Variants in ADAM22 observed in about 807,000 individuals in gnomAD.
The protein encoded by ADAM22 is ADAM metallopeptidase domain 22.
ADAM22 carries 65 observed loss-of-function variants against 144.6 expected under a neutral mutation model. The observed-to-expected ratio is 0.45, with a 90% CI of 0.37 to 0.55. The LOEUF is 0.55. ADAM22 is among the 20% of genes least tolerant of loss of function. The pLI is 0.00. For synonymous variants in ADAM22, 391 were observed against 412.6 expected, an observed-to-expected ratio of 0.95 and a Z score of 0.63; for missense variants, 974 against 1,184.9, an observed-to-expected ratio of 0.82 and a Z score of 2.61.
rs768379580 is a variant in ADAM22, at chr7:87,934,531, G to C, written c.66G>C (p.Pro22=). 3.7e-6 allele frequency: 6 copies of C among 1,608,432 alleles called. No homozygotes were observed. The highest frequency in any genetic ancestry group is 3.3e-5 in the Admixed American group (2 of 59,922). Residue 22 remains proline, a synonymous_variant, in exon 1 of 32, where the codon CCG becomes CCC. Transcript: ENST00000413139. ...LLLCVLGTCP[P]ARCGQAGDAS... ...TCTGTGTCCTGGGGACCTGCCCTCCGGCGCGCTGCGGCCAGGCAGGTAAGT... is the reference window on the plus strand; with the variant it reads ...TCTGTGTCCTGGGGACCTGCCCTCCCGCGCGCTGCGGCCAGGCAGGTAAGT...
intron 2 of ADAM22, among the ~76,000 whole-genome samples, chr7:87,942,417 T>A (rs778201356): frequency 3.3e-5 from 5 of 152,150 alleles, no homozygotes; most frequent in Non-Finnish European, 7.4e-5. Flanking sequence ...CCTAGGCACT[T>A]CAGCTCCACC....
At chr7:87,940,653 C>T (rs952039697) in intron 2 of ADAM22, among the ~76,000 whole-genome samples, 3 of 152,126 alleles carry the variant, frequency 2.0e-5, no homozygotes, top group Admixed American at 1.3e-4. Context: ...CTTATTATGC[C>T]ACAAAGTCCT....
intron 2 of ADAM22, among the ~76,000 whole-genome samples, chr7:87,949,430 T>C (rs1189018706): frequency 2.0e-5 from 3 of 152,266 alleles, no homozygotes; most frequent in Non-Finnish European, 4.4e-5. Context: ...AAATCATTCA[T>C]GTCACTTTAT....
intron 3 of ADAM22, among the ~76,000 whole-genome samples, chr7:88,068,280 A>C (rs1422609050): frequency 6.6e-6 from 1 of 152,154 alleles, no homozygotes; most frequent in African/African-American, 2.4e-5. Flanking sequence ...TTCCAAGCTC[A>C]TAATTTGTTA....
chr7:88,155,911 G>A lies in ADAM22; in HGVS notation c.1812G>A (p.Leu604=). ...GGGATGTGCTTTGTGGTTACCTTTT[G>A]TGTACCAATATTGGCAATATCCCAA... ...NKRDVLCGYL[L]CTNIGNIPRL... The change falls in exon 22 of 32, where the codon TTG becomes TTA. Residue 604 remains leucine (L), a synonymous_variant. Transcript: ENST00000413139. The A allele has an allele frequency of 1.2e-6, 2 of 1,613,356 alleles. No homozygotes were observed. Among genetic ancestry groups the A allele is most frequent in the Non-Finnish European group, 8.5e-7 (1 of 1,179,570 alleles).
intron 2 of ADAM22, among the ~76,000 whole-genome samples, chr7:87,957,080 A>T (rs961135442): frequency 6.6e-6 from 1 of 152,182 alleles, no homozygotes; most frequent in Non-Finnish European, 1.5e-5. Context: ...AAACTACCCT[A>T]CAGGATTCCT....
chr7:88,072,280 A>C (rs1171263254), intron 3 of ADAM22, among the ~76,000 whole-genome samples: 1 of 152,196 alleles, frequency 6.6e-6, no homozygotes, highest in African/African-American at 2.4e-5. Context: ...TGCTGTAATT[A>C]CATTCGTGCA....
At chr7:87,999,915 T>C (rs1792126377) in intron 3 of ADAM22, among the ~76,000 whole-genome samples, 1 of 151,732 alleles carries the variant, frequency 6.6e-6, no homozygotes, top group Non-Finnish European at 1.5e-5. Flanking sequence ...CTCCAGGCTG[T>C]AGTGTTCCAT....
Position 87,976,782 on chromosome 7 carries a change from A to G in ADAM22, c.247-1554A>G, listed in dbSNP as rs1023319704. 2.0e-5 allele frequency among the ~76,000 whole-genome samples: 3 copies of G among 151,966 alleles called. No individual in the cohort carries two copies. In the East Asian group the frequency reaches 5.8e-4, roughly 29 times the overall value. ...AGAGAGAACTGAGTGTAGGTGGGCT[A>G]TGGGTAGGTGCTTATGTACCATTAT... is the stretch of plus-strand genomic sequence containing the variant. On this transcript the variant is annotated intron_variant, in intron 2 of 31. Transcript: ENST00000413139.
intron 29 of ADAM22, chr7:88,182,237 G>A: frequency 2.1e-6 from 1 of 465,174 alleles, no homozygotes; most frequent in African/African-American, 2.0e-5. Flanking sequence ...TTCATTGATA[G>A]TGGGGGTCTC....
At chr7:88,008,207 C>G (rs964775179) in intron 3 of ADAM22, among the ~76,000 whole-genome samples, 3 of 151,204 alleles carry the variant, frequency 2.0e-5, no homozygotes, top group African/African-American at 7.3e-5. Flanking sequence ...GAGATACCAT[C>G]TCACACCAGT....
Position 88,032,823 on chromosome 7 carries a change from T to A in ADAM22, c.324-42803T>A, listed in dbSNP as rs137964304. Among the ~76,000 whole-genome samples, 817 of 152,314 alleles carry A rather than the reference T, an allele frequency of 5.4e-3. 11 individuals are homozygous for A. The highest frequency in any genetic ancestry group is 0.019 in the African/African-American group (784 of 41,554). ...AGTTCTCACAAAATCTGGTTGTTTG[T>A]AAGTGTGTAACACCACCCCCTTTGC... is the stretch of plus-strand genomic sequence containing the variant. On this transcript the variant is annotated intron_variant, in intron 3 of 31. Coordinates refer to ENST00000413139, the MANE Select transcript of ADAM22 (RefSeq NM_001324418.2).
chr7:87,973,748 C>G (rs935127402), intron 2 of ADAM22, among the ~76,000 whole-genome samples: 6 of 152,120 alleles, frequency 3.9e-5, no homozygotes, highest in Non-Finnish European at 7.3e-5. Context: ...CCATGGAATA[C>G]TATGCAGCCA....
In ADAM22 at chr7:88,143,135, G is replaced by T; in HGVS notation, c.1320+10G>T. On this transcript the variant is annotated intron_variant, in intron 15 of 31. Transcript: ENST00000413139. ...CAACAAACCTTCTAAGGTAATAAGT[G>T]TGGTTAATAAGGTTTATAATATTAA... 1 of 1,546,530 alleles carries T rather than the reference G, an allele frequency of 6.5e-7. No individual in the cohort carries two copies. The highest frequency in any genetic ancestry group is 8.9e-7 in the Non-Finnish European group (1 of 1,121,560).
chr7:88,060,625 G>A (rs1048445791), intron 3 of ADAM22, among the ~76,000 whole-genome samples: 9 of 151,802 alleles, frequency 5.9e-5, no homozygotes, highest in African/African-American at 2.2e-4. Context: ...AATTAGCCGG[G>A]CATGGTGGCG....
intron 2 of ADAM22, among the ~76,000 whole-genome samples, chr7:87,949,138 C>G (rs1376757579): frequency 3.9e-5 from 6 of 152,182 alleles, no homozygotes; most frequent in African/African-American, 9.7e-5. Flanking sequence ...TCCTCCTCTT[C>G]CTGCACTTAT....
chr7:88,105,377 T>C (rs779879273), intron 4 of ADAM22, among the ~76,000 whole-genome samples: 5 of 152,162 alleles, frequency 3.3e-5, no homozygotes, highest in African/African-American at 7.2e-5. Flanking sequence ...AGGTCATCTG[T>C]TGACTGTTGA....
At chr7:88,141,147 G>T (rs1294378367) in intron 14 of ADAM22, among the ~76,000 whole-genome samples, 2 of 152,226 alleles carry the variant, frequency 1.3e-5, no homozygotes, top group African/African-American at 4.8e-5. Context: ...AATTGTCAGT[G>T]TTTGTCGGGA....
At chr7:88,113,119 CTTTTTTT>C (rs34323035) in intron 5 of ADAM22, among the ~76,000 whole-genome samples, 23 of 79,002 alleles carry the variant, frequency 2.9e-4, no homozygotes, top group African/African-American at 1.2e-3. Flanking sequence ...TGCCTGCCCT[CTTTTTTT>C]TTTTTTTTTT....
Sources: gnomAD v4.1 joint callset for allele counts (sites outside exome capture counted in the v4.1 genomes callset) on GRCh38, gnomAD v4.1.1 for gene constraint, MANE v1.5 for transcripts, NCBI Gene and HGNC (gene_info 2026-07-23, HGNC 2026-07-21) for gene names.